Variants in ZBTB7C observed in about 807,000 individuals in gnomAD.
ZBTB7C encodes the protein zinc finger and BTB domain containing 7C.
In ZBTB7C, 8 loss-of-function variants were observed where a neutral mutation model predicts 25.7. The ratio of observed to expected loss-of-function variants is 0.31; its 90% CI spans 0.18 to 0.56. ZBTB7C has a LOEUF of 0.56. Ranked by LOEUF, ZBTB7C falls within the 20% of genes least tolerant of loss-of-function variation. The pLI, the probability that ZBTB7C is intolerant of heterozygous loss-of-function variation, is 0.91. For synonymous variants in ZBTB7C, 394 were observed against 369.0 expected (o/e 1.07, Z -0.78); for missense variants, 824 against 855.2 (o/e 0.96, Z 0.46).
At chr18:48,330,341 C>T (rs1048002773) in intron 2 of ZBTB7C, among the ~76,000 whole-genome samples, 44 of 152,118 alleles carry the variant, frequency 2.9e-4, no homozygotes, top group African/African-American at 1.0e-3. Context: ...ATGATGTGGA[C>T]TTTTAGGTAG....
chr18:48,215,145 A>T (rs79587435), intron 2 of ZBTB7C, among the ~76,000 whole-genome samples: 1 of 152,220 alleles, frequency 6.6e-6, no homozygotes, highest in Non-Finnish European at 1.5e-5. Flanking sequence ...AATCCTGCTC[A>T]TGGAATCGTG....
intron 3 of ZBTB7C, among the ~76,000 whole-genome samples, chr18:48,060,800 G>A (rs2037098380): frequency 6.6e-6 from 1 of 152,184 alleles, no homozygotes; most frequent in Non-Finnish European, 1.5e-5. Flanking sequence ...GATGGGCCTG[G>A]GGAGAGCAGG....
At chr18:48,048,402 C>G (rs768728597) in intron 3 of ZBTB7C, among the ~76,000 whole-genome samples, 1 of 152,190 alleles carries the variant, frequency 6.6e-6, no homozygotes, top group Admixed American at 6.5e-5. Flanking sequence ...ACAAATTGTC[C>G]TCAGCTGGTG....
intron 3 of ZBTB7C, among the ~76,000 whole-genome samples, chr18:48,171,310 C>G (rs188994160): frequency 3.3e-5 from 5 of 152,322 alleles, no homozygotes; most frequent in African/African-American, 9.6e-5. Flanking sequence ...CATCTCACCC[C>G]CTCCTGGAGA....
At chr18:48,319,469 G>A (rs536191869) in intron 2 of ZBTB7C, among the ~76,000 whole-genome samples, 5 of 152,116 alleles carry the variant, frequency 3.3e-5, no homozygotes, top group Non-Finnish European at 7.3e-5. Flanking sequence ...TGGCACTATG[G>A]GGGGACGTAA....
At chr18:48,037,113 G>A (rs761899167) in intron 4 of ZBTB7C, among the ~76,000 whole-genome samples, 5 of 152,206 alleles carry the variant, frequency 3.3e-5, no homozygotes, top group African/African-American at 1.2e-4. Context: ...TCCCCAGCTC[G>A]GGGTTTCTCT....
intron 2 of ZBTB7C, among the ~76,000 whole-genome samples, chr18:48,324,354 C>A (rs1004491098): frequency 1.3e-5 from 2 of 152,040 alleles, no homozygotes; most frequent in Non-Finnish European, 1.5e-5. Context: ...GGAAAGAGTA[C>A]TATGAGCTGA....
intron 3 of ZBTB7C, among the ~76,000 whole-genome samples, chr18:48,046,180 T>C (rs1047028616): frequency 1.3e-5 from 2 of 152,266 alleles, no homozygotes; most frequent in African/African-American, 2.4e-5. Flanking sequence ...TGTGTTGTTA[T>C]GCAGTAATAG....
chr18:48,158,827 T>C (rs1159094425), intron 3 of ZBTB7C, among the ~76,000 whole-genome samples: 1 of 152,182 alleles, frequency 6.6e-6, no homozygotes, highest in Non-Finnish European at 1.5e-5. Flanking sequence ...TCTCGAGGTT[T>C]TGAAGGCACC....
chr18:48,261,058 A>C (rs900952785), intron 2 of ZBTB7C, among the ~76,000 whole-genome samples: 1 of 151,918 alleles, frequency 6.6e-6, no homozygotes, highest in African/African-American at 2.4e-5. Flanking sequence ...TTAACTAATA[A>C]ATAGTATTCC....
At chr18:48,409,724 C>G (rs1479964713), upstream of ZBTB7C, among the ~76,000 whole-genome samples, 1 of 152,064 alleles carries the variant, frequency 6.6e-6, no homozygotes, top group African/African-American at 2.4e-5. Context: ...GGAGTCAGGA[C>G]CCGACGCGGA....
At chr18:48,139,271 T>A (rs1217793431) in intron 3 of ZBTB7C, among the ~76,000 whole-genome samples, 1 of 152,044 alleles carries the variant, frequency 6.6e-6, no homozygotes, top group African/African-American at 2.4e-5. Flanking sequence ...AGGGGGTCTA[T>A]GAGGTAGAGC....
chr18:48,035,236 T>TTCA (rs2035921769), intron 4 of ZBTB7C, among the ~76,000 whole-genome samples: 1 of 152,226 alleles, frequency 6.6e-6, no homozygotes. Context: ...CTGGAAAGCG[T>TTCA]GCCTTGTCAG....
chr18:48,255,000 T>C (rs1407951832), intron 2 of ZBTB7C, among the ~76,000 whole-genome samples: 1 of 152,168 alleles, frequency 6.6e-6, no homozygotes, highest in Non-Finnish European at 1.5e-5. Flanking sequence ...AATACTATCC[T>C]AGACTACACA....
chr18:48,333,083 C>A (rs2046377661), intron 2 of ZBTB7C, among the ~76,000 whole-genome samples: 1 of 151,876 alleles, frequency 6.6e-6, no homozygotes, highest in African/African-American at 2.4e-5. Context: ...ATAAGAACCC[C>A]CAAATTAGAA....
chr18:48,285,553 T>C (rs1264285003), intron 2 of ZBTB7C, among the ~76,000 whole-genome samples: 4 of 152,226 alleles, frequency 2.6e-5, no homozygotes, highest in Admixed American at 2.0e-4. Flanking sequence ...GGTCTCCCTA[T>C]GTTGATCAGG....
intron 3 of ZBTB7C, among the ~76,000 whole-genome samples, chr18:48,134,927 C>T (rs975302188): frequency 6.6e-6 from 1 of 152,232 alleles, no homozygotes; most frequent in African/African-American, 2.4e-5. Flanking sequence ...CATTCCACTG[C>T]ATCCCCTTGA....
At chr18:48,321,371 C>A (rs911816846) in intron 2 of ZBTB7C, among the ~76,000 whole-genome samples, 2 of 152,198 alleles carry the variant, frequency 1.3e-5, no homozygotes, top group Non-Finnish European at 2.9e-5. Flanking sequence ...CCCAAGCTGG[C>A]AGGCACTGTG....
intron 2 of ZBTB7C, among the ~76,000 whole-genome samples, chr18:48,316,963 T>A (rs964948182): frequency 3.3e-5 from 5 of 152,206 alleles, no homozygotes; most frequent in African/African-American, 1.2e-4. Flanking sequence ...TCACGCGAAC[T>A]TGTCTTGCAC....
Sources: allele counts gnomAD v4.1 joint callset (sites outside exome capture counted in the v4.1 genomes callset), GRCh38; gene constraint gnomAD v4.1.1; transcripts MANE v1.5; gene names NCBI Gene and HGNC (gene_info 2026-07-23, HGNC 2026-07-21).